The following WDR48 variants were observed in gnomAD, a reference collection of about 807,000 sequenced individuals.
WDR48 encodes the protein WD repeat domain 48.
WDR48 carries 22 observed loss-of-function variants against 94.0 expected under a neutral mutation model. The ratio of observed to expected loss-of-function variants is 0.23; its 90% CI spans 0.17 to 0.33. WDR48 has a LOEUF of 0.33. Among genes scored for constraint, WDR48 ranks in the 10% least tolerant of loss-of-function variants. The pLI is 1.00. For synonymous variants in WDR48, 278 were observed against 280.5 expected, an observed-to-expected ratio of 0.99 and a Z score of 0.09; for missense variants, 541 against 813.8, an observed-to-expected ratio of 0.66 and a Z score of 4.08.
chr3:39,088,578 A>G (rs2034931605), intron 15 of WDR48, among the ~76,000 whole-genome samples: 1 of 152,204 alleles, frequency 6.6e-6, no homozygotes, highest in Non-Finnish European at 1.5e-5. Flanking sequence ...CTGCCCACAG[A>G]AGAGCTTCAG....
intron 7 of WDR48, among the ~76,000 whole-genome samples, chr3:39,070,687 CTTT>C (rs34204168): frequency 9.0e-4 from 120 of 133,304 alleles, no homozygotes; most frequent in Admixed American, 1.5e-3. Flanking sequence ...TGTGAAGGAT[CTTT>C]TTTTTTTTTT....
At chr3:39,075,429 T>C (rs541235892) in intron 8 of WDR48, among the ~76,000 whole-genome samples, 9 of 152,120 alleles carry the variant, frequency 5.9e-5, no homozygotes, top group African/African-American at 1.7e-4. Context: ...GTGTCCATGG[T>C]TTCAGGAGTA....
At chr3:39,063,746 C>T (rs945948522) in intron 2 of WDR48, among the ~76,000 whole-genome samples, 1 of 151,570 alleles carries the variant, frequency 6.6e-6, no homozygotes, top group Non-Finnish European at 1.5e-5. Flanking sequence ...AGTTCGAGAC[C>T]AGCCTGGGCA....
chr3:39,078,939 A>T (rs2034380417), intron 10 of WDR48, among the ~76,000 whole-genome samples: 1 of 150,442 alleles, frequency 6.6e-6, no homozygotes, highest in Admixed American at 6.6e-5. Context: ...CTGAGGCAGG[A>T]GAATGGCGTG....
intron 8 of WDR48, among the ~76,000 whole-genome samples, chr3:39,076,028 A>G (rs1295091937): frequency 6.6e-6 from 1 of 152,174 alleles, no homozygotes; most frequent in East Asian, 1.9e-4. Flanking sequence ...GGAGGCAGAA[A>G]AATACTACTA....
chr3:39,078,004 T>C (rs1475313176), intron 9 of WDR48, 133 bp from the exon 10 acceptor site: 15 of 619,884 alleles, frequency 2.4e-5, no homozygotes, highest in Non-Finnish European at 4.0e-5. Flanking sequence ...TGTGACCAAA[T>C]ATTTTTCGGT....
chr3:39,066,210 A>C (rs1010362764), intron 3 of WDR48, among the ~76,000 whole-genome samples: 2 of 151,914 alleles, frequency 1.3e-5, no homozygotes, highest in African/African-American at 4.8e-5. Context: ...CCTTATTAAT[A>C]CCTCTTTTTG....
chr3:39,063,179 A>C lies in WDR48; in HGVS notation c.178A>C (p.Asn60His), dbSNP rs1283516935. 6.2e-7 allele frequency: 1 copy of C among 1,613,990 alleles called. No homozygotes were observed. The highest frequency in any genetic ancestry group is 8.5e-7 in the Non-Finnish European group (1 of 1,179,970). ...CTCTATCATAAGAATATGGAGTGTC[A>C]ATCAGCACAAGGTAATGCAGGGATT... is the stretch of plus-strand genomic sequence containing the variant. ...RDSIIRIWSV[N>H]QHKQDPYIAS... The change falls in exon 2 of 19, where the codon AAT becomes CAT. Residue 60 changes from asparagine to histidine, a missense_variant. By Grantham distance (68) the Asn-to-His change is moderately conservative (BLOSUM62 1). Around this residue, in one of 5 missense-constraint regions of WDR48, gnomAD observed 90 missense variants for 122.3 expected, o/e 0.74. Coordinates refer to ENST00000302313, the MANE Select transcript of WDR48 (RefSeq NM_020839.4).
intron 15 of WDR48, among the ~76,000 whole-genome samples, chr3:39,088,533 A>G (rs2034928934): frequency 6.6e-6 from 1 of 152,188 alleles, no homozygotes; most frequent in African/African-American, 2.4e-5. Flanking sequence ...GTGTGACTGC[A>G]AGGGCCAAGC....
At chr3:39,074,656 A>G in intron 7 of WDR48, 70 bp from the exon 8 acceptor site, 1 of 1,484,732 alleles carries the variant, frequency 6.7e-7, no homozygotes, top group Non-Finnish European at 9.3e-7. Context: ...ACTCGGGAGA[A>G]GTCAAGTGCA....
At chr3:39,065,140 A>C (rs1423895169) in intron 2 of WDR48, among the ~76,000 whole-genome samples, 1 of 152,156 alleles carries the variant, frequency 6.6e-6, no homozygotes, top group African/African-American at 2.4e-5. Context: ...GTAACTAAAT[A>C]CTGTTCTTTA....
chr3:39,072,754 T>G (rs1312513864), intron 7 of WDR48, among the ~76,000 whole-genome samples: 2 of 152,192 alleles, frequency 1.3e-5, no homozygotes, highest in Non-Finnish European at 2.9e-5. Context: ...TTTTGATGAC[T>G]CCTCCAGCTC....
In WDR48 at chr3:39,094,029, T is replaced by G. The variant is rs201731493; in HGVS notation, c.1901T>G (p.Leu634Trp). 4 of 1,613,114 alleles carry G rather than the reference T, an allele frequency of 2.5e-6. No individual in the cohort carries two copies. Among genetic ancestry groups the G allele is most frequent in the Non-Finnish European group, 8.5e-7 (1 of 1,179,796 alleles). The change falls in exon 18 of 19, where the codon TTG becomes TGG. Residue 634 changes from leucine (L) to tryptophan (W), a missense_variant. Leu to Trp is a moderately conservative substitution (Grantham distance 61, BLOSUM62 -2). Transcript: ENST00000302313. Reference sequence around the variant, plus strand: ...GAAAAAGAAGAAGATATTGCTGTGTTGGCAGAGGAGAAAATTGAACTTTTG... The same window carrying G: ...GAAAAAGAAGAAGATATTGCTGTGTGGGCAGAGGAGAAAATTGAACTTTTG... ...EQEKEEDIAVLAEEKIELLCQ... is the reference protein window; with the variant it reads ...EQEKEEDIAVWAEEKIELLCQ...
Position 39,074,756 on chromosome 3 carries a change from C to T in WDR48, c.703C>T (p.Arg235Cys), listed in dbSNP as rs1381193104. Residue 235 changes from arginine to cysteine, a missense_variant, in exon 8 of 19, where the codon CGC becomes TGC. This residue lies in a region of WDR48 where 104 missense variants were observed against 189.7 expected (regional missense o/e 0.55). Transcript: ENST00000302313. The part of the protein sequence containing the change: ...CLSGSSDGTI[R>C]LWSLGQQRCI... ...GTCAGGCAGTTCTGATGGGACAATT[C>T]GCCTTTGGTCCCTTGGCCAGCAGAG... 6.2e-7 allele frequency: 1 copy of T among 1,613,952 alleles called. No individual in the cohort carries two copies. The highest frequency in any genetic ancestry group is 8.5e-7 in the Non-Finnish European group (1 of 1,179,974).
In WDR48 at chr3:39,063,096, G is replaced by C; in HGVS notation, c.95G>C (p.Gly32Ala). ...RDEVEKYNRN[G>A]VNALQLDPAL... is the part of the protein sequence containing the mutation. ...GAAGTGGAGAAGTACAACCGAAATG[G>C]AGTCAATGCTCTGCAGCTGGATCCA... Residue 32 changes from glycine (G) to alanine (A), a missense_variant, in exon 2 of 19, where the codon GGA becomes GCA. Around this residue, in one of 5 missense-constraint regions of WDR48, gnomAD observed 90 missense variants for 122.3 expected, o/e 0.74. Coordinates refer to ENST00000302313, the MANE Select transcript of WDR48 (RefSeq NM_020839.4). 2.5e-6 allele frequency: 4 copies of C among 1,614,082 alleles called. No homozygotes were observed. The highest frequency in any genetic ancestry group is 1.3e-5 in the African/African-American group (1 of 75,028).
At position 39,084,223 on chromosome 3, in the gene WDR48, G is replaced by A. The variant is rs543181185; in HGVS notation, c.1242G>A (p.Val414=). Residue 414 remains valine, a synonymous_variant, in exon 12 of 19, where the codon GTG becomes GTA. Transcript: ENST00000302313. ...AAATTAAGAAAAGATTTAAAATGGT[G>A]TATGTGCCAAATTGGTTCTCAGTAG... ...EDEIKKRFKM[V]YVPNWFSVDL... 139 of 1,612,560 alleles carry A rather than the reference G, an allele frequency of 8.6e-5. No homozygotes were observed. The East Asian group carries it at 2.5e-3, about 29-fold the overall frequency.
chr3:39,088,909 G>A (rs1049606154), intron 15 of WDR48, among the ~76,000 whole-genome samples: 3 of 152,274 alleles, frequency 2.0e-5, no homozygotes, highest in African/African-American at 4.8e-5. Flanking sequence ...GTGTGTGAAA[G>A]TCTCTGCCAT....
chr3:39,065,436 T>G (rs1336666725), intron 2 of WDR48, among the ~76,000 whole-genome samples: 3 of 152,028 alleles, frequency 2.0e-5, no homozygotes, highest in Non-Finnish European at 4.4e-5. Context: ...CACCACTCAT[T>G]CAAATCCCCA....
intron 16 of WDR48, 149 bp downstream of exon 16, chr3:39,089,467 A>G (rs2034975983): frequency 1.8e-6 from 1 of 551,688 alleles, no homozygotes; most frequent in Admixed American, 3.9e-5. Flanking sequence ...CCAAAGTTGC[A>G]GAAATAGTAC....
Sources: allele counts gnomAD v4.1 joint callset (sites outside exome capture counted in the v4.1 genomes callset), GRCh38; gene constraint gnomAD v4.1.1; regional missense constraint gnomAD v4.1.1; transcripts MANE v1.5; gene names NCBI Gene and HGNC (gene_info 2026-07-23, HGNC 2026-07-21).